Variants in ZNF140 observed in about 807,000 individuals in gnomAD.
ZNF140 encodes the protein zinc finger protein 140 (clone pHZ-39).
A neutral mutation model predicts 12.9 loss-of-function variants in ZNF140; 13 were observed. The ratio of observed to expected loss-of-function variants is 1.01; its 90% CI spans 0.66 to 1.60. The LOEUF (loss-of-function observed/expected upper bound fraction) is 1.60. Ranked by LOEUF, ZNF140 falls within the 40% of genes most tolerant of loss-of-function variation. The pLI is 0.00. For synonymous variants in ZNF140, 214 were observed against 186.7 expected (o/e 1.15, Z -1.19); for missense variants, 531 against 548.8 (o/e 0.97, Z 0.32).
chr12:133,099,458 T>C (rs1955257362), intron 4 of ZNF140, among the ~76,000 whole-genome samples: 1 of 152,236 alleles, frequency 6.6e-6, no homozygotes, highest in Non-Finnish European at 1.5e-5. Context: ...ATTACAGGCA[T>C]GAGCCACTGT....
At chr12:133,104,872 T>C (rs1955528927) in intron 4 of ZNF140, among the ~76,000 whole-genome samples, 1 of 152,146 alleles carries the variant, frequency 6.6e-6, no homozygotes, top group African/African-American at 2.4e-5. Flanking sequence ...CATGGGGGTT[T>C]GGTGTGCAGA....
intron 4 of ZNF140, among the ~76,000 whole-genome samples, chr12:133,091,018 A>T (rs1332201695): frequency 6.7e-6 from 1 of 148,938 alleles, no homozygotes; most frequent in Non-Finnish European, 1.5e-5. Context: ...CGAGACATTC[A>T]GTTCCCAGGG....
rs79902007 is a variant in ZNF140, at chr12:133,094,698, G to A, written c.233-10812G>A. Among the ~76,000 whole-genome samples the A allele has an allele frequency of 4.3e-4, 65 of 151,284 alleles. 1 individual carries two copies. Among genetic ancestry groups the A allele is most frequent in the Non-Finnish European group, 8.3e-4 (56 of 67,858 alleles). On this transcript the variant is annotated intron_variant, in intron 4 of 4. Coordinates refer to ENST00000355557, the MANE Select transcript of ZNF140 (RefSeq NM_003440.4). ...GGCAAGTCTGAATTGCTCCTTCACC[G>A]TAGTGAACTGCAGGTTGGGCAATAA... is the stretch of plus-strand genomic sequence containing the variant.
intron 4 of ZNF140, among the ~76,000 whole-genome samples, chr12:133,090,916 G>A (rs923754275): frequency 2.0e-4 from 28 of 143,380 alleles, no homozygotes; most frequent in Non-Finnish European, 3.9e-4. Context: ...AGAATAACAA[G>A]GCAGCATTAC....
At chr12:133,104,377 A>ACT (rs1408833121) in intron 4 of ZNF140, among the ~76,000 whole-genome samples, 1 of 145,276 alleles carries the variant, frequency 6.9e-6, no homozygotes, top group African/African-American at 2.6e-5. Flanking sequence ...TTTGAGACAG[A>ACT]CTCTCGCTCT....
intron 4 of ZNF140, among the ~76,000 whole-genome samples, chr12:133,085,366 C>A (rs1954640988): frequency 1.3e-5 from 2 of 152,160 alleles, no homozygotes; most frequent in Admixed American, 6.5e-5. Flanking sequence ...TTTATGTATT[C>A]CTTCCAGGAT....
At position 133,081,557 on chromosome 12, in the gene ZNF140, C is replaced by T. The variant is rs1404266899; in HGVS notation, c.9+228C>T. ...GACTTGGGACGTGGCTTTCTTTCTC[C>T]TACAACCACCTGCCTGGCAGAACCC... On this transcript the variant is annotated intron_variant, in intron 2 of 4. Transcript: ENST00000355557. The T allele has an allele frequency of 1.1e-5, 5 of 455,920 alleles. No individual in the cohort carries two copies. The Admixed American group carries it at 1.2e-4, about 11-fold the overall frequency. 28.2% of individuals were successfully genotyped at this position (455,920 alleles called of 1,614,324 possible). A position where few individuals can be genotyped will look rare whatever the true frequency, so the allele number is the denominator to read the frequency against.
chr12:133,091,639 A>T (rs1168971013), intron 4 of ZNF140, among the ~76,000 whole-genome samples: 4 of 150,622 alleles, frequency 2.7e-5, no homozygotes, highest in Non-Finnish European at 5.9e-5. Context: ...ACACCTGTAG[A>T]CTAATAATAG....
chr12:133,088,696 T>C (rs1159282995), intron 4 of ZNF140, among the ~76,000 whole-genome samples: 2 of 152,230 alleles, frequency 1.3e-5, no homozygotes, highest in East Asian at 3.8e-4. Flanking sequence ...TCCAAAGTGA[T>C]TGTACCATTT....
Position 133,094,807 on chromosome 12 carries a change from C to T in ZNF140, c.233-10703C>T, listed in dbSNP as rs768585040. Among the ~76,000 whole-genome samples the T allele has an allele frequency of 2.0e-3, 298 of 151,292 alleles. 5 individuals carry two copies. Among genetic ancestry groups the T allele is most frequent in the Admixed American group, 4.6e-3 (70 of 15,234 alleles). On this transcript the variant is annotated intron_variant, in intron 4 of 4. Transcript: ENST00000355557. ...ACTCGGCTGAGGAGGAGGTGGCCAT[C>T]GTGCTTTTAACCCCAACAGCCCTGA...
Position 133,105,790 on chromosome 12 carries a change from T to A in ZNF140, c.513T>A (p.Gly171=). Residue 171 remains glycine, a synonymous_variant, in exon 5 of 5, where the codon GGT becomes GGA. Transcript: ENST00000355557. ...YGCHECGKTF[G]RRFSLVLHQR... is the part of the protein sequence containing the mutation. Reference sequence around the variant, plus strand: ...GCCATGAATGTGGAAAAACTTTTGGTCGACGCTTTTCCCTGGTGTTACACC... The same window carrying A: ...GCCATGAATGTGGAAAAACTTTTGGACGACGCTTTTCCCTGGTGTTACACC... 1 of 1,614,126 alleles carries A rather than the reference T, an allele frequency of 6.2e-7. No homozygotes were observed. Among genetic ancestry groups the A allele is most frequent in the East Asian group, 2.2e-5 (1 of 44,880 alleles).
chr12:133,105,692 A>G lies in ZNF140; in HGVS notation c.415A>G (p.Lys139Glu). 1 of 1,614,210 alleles carries G rather than the reference A, an allele frequency of 6.2e-7. No homozygotes were observed. Reference sequence around the variant, plus strand: ...GCAAGAAAATCAGGGATGTATTAGGAAAGTAACAGTCTCTCATCAAGAAGC... The same window carrying G: ...GCAAGAAAATCAGGGATGTATTAGGGAAGTAACAGTCTCTCATCAAGAAGC... ...MLQENQGCIRKVTVSHQEALA... is the reference protein window; with the variant it reads ...MLQENQGCIREVTVSHQEALA... Residue 139 changes from lysine to glutamate, a missense_variant, in exon 5 of 5, where the codon AAA becomes GAA. By Grantham distance (56) the Lys-to-Glu change is moderately conservative (BLOSUM62 1). Transcript: ENST00000355557.
At chr12:133,080,567 CGCGG>C (rs1954432280), upstream of ZNF140, 1 of 152,428 alleles carries the variant, frequency 6.6e-6, no homozygotes, top group Non-Finnish European at 1.5e-5. Context: ...TGTACTCTTC[CGCGG>C]GGGGCCGCGG....
At chr12:133,084,854 G>C (rs912859162) in intron 4 of ZNF140, among the ~76,000 whole-genome samples, 16 of 152,192 alleles carry the variant, frequency 1.1e-4, no homozygotes, top group African/African-American at 3.4e-4. Flanking sequence ...TGCAAAGGAG[G>C]TACTAATGTG....
chr12:133,105,486 C>T, intron 4 of ZNF140, 24 bp from the exon 5 acceptor site: 7 of 1,529,666 alleles, frequency 4.6e-6, no homozygotes, highest in East Asian at 2.3e-5. Flanking sequence ...AAGAAACATT[C>T]ACTTTTTTTT....
chr12:133,083,600 C>A, intron 4 of ZNF140, 39 bp downstream of exon 4: 1 of 1,554,440 alleles, frequency 6.4e-7, no homozygotes, highest in Non-Finnish European at 8.8e-7. Flanking sequence ...TTTTTTAAAA[C>A]CACTCAATTA....
In ZNF140 at chr12:133,091,639, A is replaced by G. The variant is rs1168971013; in HGVS notation, c.232+8078A>G. Among the ~76,000 whole-genome samples, 4 of 150,622 alleles carry G rather than the reference A, an allele frequency of 2.7e-5. 1 individual carries two copies. The highest frequency in any genetic ancestry group is 4.4e-5 in the Non-Finnish European group (3 of 67,764). On this transcript the variant is annotated intron_variant, in intron 4 of 4. Transcript: ENST00000355557. ...CCGGAGCTGTTGTATACACCTGTAGACTAATAATAGAAAGGACAGACATAC... is the reference window on the plus strand; with the variant it reads ...CCGGAGCTGTTGTATACACCTGTAGGCTAATAATAGAAAGGACAGACATAC...
chr12:133,097,818 C>CGTGTGTGTGTGTGTGTGTGTGTGTGT lies in ZNF140; in HGVS notation c.233-7692_233-7691insGTGTGTGTGTGTGTGTGTGTGTGTGT, dbSNP rs1377287336. Among the ~76,000 whole-genome samples, 191 of 106,576 alleles carry CGTGTGTGTGTGTGTGTGTGTGTGTGT rather than the reference C, an allele frequency of 1.8e-3. 2 individuals carry two copies. The highest frequency in any genetic ancestry group is 8.8e-3 in the Middle Eastern group (2 of 226). The allele number at this position is 106,576 out of a possible 152,430, so 69.9% of individuals were successfully genotyped here. Reference sequence around the variant, plus strand: ...ATATGCATGAGGCACCACATCTAACCATGTGTGTGTGTGTGTGTGTGTGTG... The same window carrying CGTGTGTGTGTGTGTGTGTGTGTGTGT: ...ATATGCATGAGGCACCACATCTAACCGTGTGTGTGTGTGTGTGTGTGTGTGTATGTGTGTGTGTGTGTGTGTGTGTG... On this transcript the variant is annotated intron_variant, in intron 4 of 4. Transcript: ENST00000355557.
chr12:133,088,403 A>G (rs942130231), intron 4 of ZNF140, among the ~76,000 whole-genome samples: 1 of 152,232 alleles, frequency 6.6e-6, no homozygotes, highest in Non-Finnish European at 1.5e-5. Flanking sequence ...ACATAGTAAT[A>G]TGCATTTTAG....
Sources: allele counts gnomAD v4.1 joint callset (sites outside exome capture counted in the v4.1 genomes callset), GRCh38; gene constraint gnomAD v4.1.1; transcripts MANE v1.5; gene names NCBI Gene and HGNC (gene_info 2026-07-23, HGNC 2026-07-21).